KCNS3: variants seen among roughly 807,000 people sequenced by gnomAD.
The protein encoded by KCNS3 is potassium voltage-gated channel modifier subfamily S member 3.
In KCNS3, 13 loss-of-function variants were observed where a neutral mutation model predicts 31.0. The ratio of observed to expected loss-of-function variants is 0.42; its 90% CI spans 0.27 to 0.67. KCNS3 has a LOEUF of 0.67. Ranked by LOEUF, KCNS3 falls within the 30% of genes least tolerant of loss-of-function variation. The pLI is 0.25. For missense variants in KCNS3, 545 were observed against 622.4 expected (o/e 0.88, Z 1.32); for synonymous variants, 238 against 241.5 (o/e 0.99, Z 0.13).
chr2:17,909,011 G>A (rs1309795746), intron 1 of KCNS3, among the ~76,000 whole-genome samples: 1 of 152,248 alleles, frequency 6.6e-6, no homozygotes, highest in Non-Finnish European at 1.5e-5. Context: ...ATTTAAGTCT[G>A]CAGAGGTTTC....
At chr2:17,892,838 G>A (rs940859326) in intron 1 of KCNS3, among the ~76,000 whole-genome samples, 1 of 152,216 alleles carries the variant, frequency 6.6e-6, no homozygotes, top group Middle Eastern at 3.2e-3. Context: ...AGTGGAGGTA[G>A]CGGAGGGTGC....
chr2:17,918,094 C>A (rs1278037806), intron 2 of KCNS3, among the ~76,000 whole-genome samples: 1 of 152,210 alleles, frequency 6.6e-6, no homozygotes, highest in East Asian at 1.9e-4. Flanking sequence ...TTAGAAAATG[C>A]TGTGGTTCAC....
chr2:17,892,925 C>A (rs772701051), intron 1 of KCNS3, among the ~76,000 whole-genome samples: 16 of 152,150 alleles, frequency 1.1e-4, no homozygotes, highest in African/African-American at 3.6e-4. Context: ...TGCCAGGAGG[C>A]GGCACTTTCA....
At chr2:17,888,331 A>C (rs545159623) in intron 1 of KCNS3, among the ~76,000 whole-genome samples, 18 of 152,048 alleles carry the variant, frequency 1.2e-4, no homozygotes, top group Non-Finnish European at 2.1e-4. Flanking sequence ...ATCTTCTAGA[A>C]TTTTTATAAT....
At position 17,930,938 on chromosome 2, in the gene KCNS3, T is replaced by G; in HGVS notation, c.-59-12T>G. 3.9e-6 allele frequency: 6 copies of G among 1,536,366 alleles called. No individual in the cohort carries two copies. The highest frequency in any genetic ancestry group is 4.4e-6 in the Non-Finnish European group (5 of 1,134,316). ...AGGACAGAGTGCTAATATCATCTTG[T>G]GCTCTTTCCAGGTGCAGCCTGATCT... is the stretch of plus-strand genomic sequence containing the variant. On this transcript the variant is annotated splice_polypyrimidine_tract_variant and intron_variant, in intron 2 of 2. Coordinates refer to ENST00000304101, the MANE Select transcript of KCNS3 (RefSeq NM_002252.5).
chr2:17,916,497 G>T (rs1253830492), intron 1 of KCNS3, among the ~76,000 whole-genome samples: 2 of 152,252 alleles, frequency 1.3e-5, no homozygotes, highest in Admixed American at 1.3e-4. Flanking sequence ...GTTCAGTTTG[G>T]GTGGAGCTGC....
At chr2:17,899,332 T>G (rs1327741344) in intron 1 of KCNS3, among the ~76,000 whole-genome samples, 1 of 152,212 alleles carries the variant, frequency 6.6e-6, no homozygotes, top group Non-Finnish European at 1.5e-5. Flanking sequence ...ATCCACATAT[T>G]AACCCATTTA....
At chr2:17,927,577 G>A (rs1558460454) in intron 2 of KCNS3, among the ~76,000 whole-genome samples, 1 of 152,196 alleles carries the variant, frequency 6.6e-6, no homozygotes, top group Non-Finnish European at 1.5e-5. Flanking sequence ...GATAGAAGGG[G>A]AACAGGCATG....
intron 1 of KCNS3, among the ~76,000 whole-genome samples, chr2:17,888,629 G>GTGTA (rs1300748453): frequency 5.4e-5 from 5 of 92,366 alleles, no homozygotes; most frequent in Non-Finnish European, 7.9e-5. Context: ...TAAAAAAAAT[G>GTGTA]TATATATATA....
intron 1 of KCNS3, among the ~76,000 whole-genome samples, chr2:17,912,490 T>C (rs578176029): frequency 1.3e-5 from 2 of 152,342 alleles, no homozygotes; most frequent in Non-Finnish European, 2.9e-5. Context: ...AGAGTGACCC[T>C]AGAGCCCTGT....
chr2:17,932,539 G>A lies in KCNS3; in HGVS notation c.*55G>A. ...CCTTTCCCGACATTAGGTTAACACA[G>A]CTTTATAAACCTCAGTGGGTTCGTT... On this transcript the variant is annotated 3_prime_UTR_variant, in exon 3 of 3. Coordinates refer to ENST00000304101, the MANE Select transcript of KCNS3 (RefSeq NM_002252.5). The A allele has an allele frequency of 1.3e-6, 2 of 1,538,786 alleles. No homozygotes were observed. The highest frequency in any genetic ancestry group is 2.3e-5 in the East Asian group (1 of 44,256).
intron 1 of KCNS3, among the ~76,000 whole-genome samples, chr2:17,882,948 T>G (rs1026586593): frequency 2.0e-5 from 3 of 152,176 alleles, no homozygotes; most frequent in Non-Finnish European, 4.4e-5. Flanking sequence ...GTTACTAGGC[T>G]AGGTTGTGGT....
chr2:17,892,823 G>C (rs1661891528), intron 1 of KCNS3, among the ~76,000 whole-genome samples: 1 of 152,202 alleles, frequency 6.6e-6, no homozygotes, highest in South Asian at 2.1e-4. Flanking sequence ...ACCAGTGCCT[G>C]TTGCAGTGGA....
At chr2:17,908,517 A>G (rs13018733) in intron 1 of KCNS3, among the ~76,000 whole-genome samples, 98,395 of 152,096 alleles carry the variant, frequency 0.65, 33,261 homozygotes, top group Non-Finnish European at 0.77. Context: ...CTGCATCCCT[A>G]TGGAGGGGGA....
chr2:17,900,670 A>C (rs917914798), intron 1 of KCNS3, among the ~76,000 whole-genome samples: 10 of 151,922 alleles, frequency 6.6e-5, no homozygotes, highest in African/African-American at 2.4e-4. Flanking sequence ...TTGTATTTTT[A>C]GTAGAGACAG....
chr2:17,913,179 G>C (rs1662512882), intron 1 of KCNS3, among the ~76,000 whole-genome samples: 1 of 152,162 alleles, frequency 6.6e-6, no homozygotes, highest in African/African-American at 2.4e-5. Flanking sequence ...AAGCCAGATA[G>C]AGGTAGGGTT....
At chr2:17,894,999 C>T (rs1661988848) in intron 1 of KCNS3, among the ~76,000 whole-genome samples, 1 of 152,082 alleles carries the variant, frequency 6.6e-6, no homozygotes, top group Non-Finnish European at 1.5e-5. Context: ...CTGGGGATCT[C>T]ATTATTTTAT....
intron 1 of KCNS3, among the ~76,000 whole-genome samples, chr2:17,880,956 G>C (rs1444532426): frequency 6.6e-6 from 1 of 152,202 alleles, no homozygotes; most frequent in Non-Finnish European, 1.5e-5. Flanking sequence ...CTTTGAGAGA[G>C]TAGGCACCAC....
chr2:17,921,967 A>G (rs1572501138), intron 2 of KCNS3, among the ~76,000 whole-genome samples: 1 of 142,224 alleles, frequency 7.0e-6, no homozygotes, highest in South Asian at 2.2e-4. Context: ...ATAAATACAT[A>G]TACATATATT....
Sources: allele counts gnomAD v4.1 joint callset (sites outside exome capture counted in the v4.1 genomes callset), GRCh38; gene constraint gnomAD v4.1.1; transcripts MANE v1.5; gene names NCBI Gene and HGNC (gene_info 2026-07-23, HGNC 2026-07-21).